The following ZNF148 variants were observed in gnomAD, a reference collection of about 807,000 sequenced individuals.
ZNF148 encodes the protein Beta-Enolase Repressor Factor-1.
ZNF148 carries 7 observed loss-of-function variants against 67.7 expected under a neutral mutation model. The observed-to-expected ratio is 0.10, with a 90% CI of 0.06 to 0.19. ZNF148 has a LOEUF of 0.19. Among genes scored for constraint, ZNF148 ranks in the 10% least tolerant of loss-of-function variants. The pLI, the probability that ZNF148 is intolerant of heterozygous loss-of-function variation, is 1.00. For missense variants in ZNF148, 583 were observed against 947.1 expected (o/e 0.62, Z 5.05); for synonymous variants, 333 against 330.7 (o/e 1.01, Z -0.08).
intron 4 of ZNF148, among the ~76,000 whole-genome samples, chr3:125,309,963 T>C (rs572409984): frequency 6.6e-6 from 1 of 152,254 alleles, no homozygotes; most frequent in Admixed American, 6.5e-5. Context: ...GCGTCTGCTC[T>C]AAGACCACAA....
Position 125,233,861 on chromosome 3 carries a change from C to G in ZNF148, c.865G>C (p.Ala289Pro), listed in dbSNP as rs751869668. 1.2e-5 allele frequency: 20 copies of G among 1,613,256 alleles called. 1 individual carries two copies. In the South Asian group the frequency reaches 2.1e-4, roughly 17 times the overall value. Residue 289 changes from alanine to proline, a missense_variant, in exon 9 of 9, where the codon GCC becomes CCC. Physicochemically the swap from Ala to Pro is conservative, Grantham distance 27. This residue lies in a region of ZNF148 where 78 missense variants were observed against 86.5 expected (regional missense o/e 0.90). Coordinates refer to ENST00000360647, the MANE Select transcript of ZNF148 (RefSeq NM_021964.3). The surrounding 1 kb of genome is among the most constrained non-coding windows in gnomAD (Gnocchi z 5.1). ...GATGTCAGAAGGCCACCTTTGATGGCACATCTATTTAGTTTTTTGTCATGA... is the reference window on the plus strand; with the variant it reads ...GATGTCAGAAGGCCACCTTTGATGGGACATCTATTTAGTTTTTTGTCATGA... Reference protein sequence around the residue: ...ENHDKKLNRCAIKGGLLTSEE... With the variant: ...ENHDKKLNRCPIKGGLLTSEE...
chr3:125,256,803 G>C (rs563446460), intron 7 of ZNF148, among the ~76,000 whole-genome samples: 1 of 152,272 alleles, frequency 6.6e-6, no homozygotes, highest in South Asian at 2.1e-4. Context: ...TCCCAGTAAA[G>C]ATTGTGTCCC....
chr3:125,269,144 G>T (rs1483134460), intron 7 of ZNF148, among the ~76,000 whole-genome samples: 3 of 146,770 alleles, frequency 2.0e-5, no homozygotes, highest in African/African-American at 7.6e-5. Context: ...AAGGCAGGTG[G>T]ATCGCTTGAG....
chr3:125,369,879 G>A (rs1942822281), intron 1 of ZNF148, among the ~76,000 whole-genome samples: 1 of 141,452 alleles, frequency 7.1e-6, no homozygotes, highest in Admixed American at 7.1e-5. Flanking sequence ...GGGAGGCTGA[G>A]GCAGGAGAAT....
intron 4 of ZNF148, among the ~76,000 whole-genome samples, chr3:125,299,674 G>A (rs1352780937): frequency 1.3e-5 from 2 of 152,110 alleles, no homozygotes; most frequent in African/African-American, 4.8e-5. Context: ...ACAATCTACT[G>A]GAAGAGATAA....
chr3:125,337,333 T>C (rs949379668), intron 1 of ZNF148, among the ~76,000 whole-genome samples: 2 of 152,152 alleles, frequency 1.3e-5, no homozygotes, highest in African/African-American at 4.8e-5. Context: ...ACTAAAGAGA[T>C]AGAACTTTTA....
intron 4 of ZNF148, among the ~76,000 whole-genome samples, chr3:125,294,445 A>T (rs1278372856): frequency 2.0e-5 from 3 of 152,230 alleles, no homozygotes; most frequent in African/African-American, 7.2e-5. Flanking sequence ...GCTGTGTGAA[A>T]AGTTCATGCA....
chr3:125,247,699 A>G (rs1175337035), intron 7 of ZNF148, among the ~76,000 whole-genome samples: 1 of 152,134 alleles, frequency 6.6e-6, no homozygotes, highest in Non-Finnish European at 1.5e-5. Flanking sequence ...TCGCCCTCCC[A>G]AAGTGCTGGG....
intron 7 of ZNF148, among the ~76,000 whole-genome samples, chr3:125,267,969 GCA>G (rs1480001449): frequency 6.6e-6 from 1 of 151,770 alleles, no homozygotes. Context: ...TACACTAGAT[GCA>G]CACACACATA....
At chr3:125,242,466 T>C (rs766743960) in intron 7 of ZNF148, among the ~76,000 whole-genome samples, 1 of 152,030 alleles carries the variant, frequency 6.6e-6, no homozygotes, top group Non-Finnish European at 1.5e-5. Flanking sequence ...CTACTAAAAA[T>C]ACAAAACTTA....
At chr3:125,303,263 T>C (rs1939689650) in intron 4 of ZNF148, among the ~76,000 whole-genome samples, 1 of 152,166 alleles carries the variant, frequency 6.6e-6, no homozygotes. Context: ...GAGAGATCTT[T>C]GTTATCCTGG....
At chr3:125,281,644 C>G (rs1032047578) in intron 5 of ZNF148, among the ~76,000 whole-genome samples, 2 of 152,110 alleles carry the variant, frequency 1.3e-5, no homozygotes, top group Non-Finnish European at 2.9e-5. Context: ...TTAAGGAGTT[C>G]TAGGTCATTG....
intron 1 of ZNF148, among the ~76,000 whole-genome samples, chr3:125,339,983 G>C (rs1040008483): frequency 6.6e-6 from 1 of 152,036 alleles, no homozygotes; most frequent in African/African-American, 2.4e-5. Flanking sequence ...AGATAAAATG[G>C]CCTAGATCTG....
chr3:125,233,961 A>G lies in ZNF148; in HGVS notation c.787-22T>C. 2 of 1,554,868 alleles carry G rather than the reference A, an allele frequency of 1.3e-6. No homozygotes were observed. The highest frequency in any genetic ancestry group is 1.7e-6 in the Non-Finnish European group (2 of 1,159,782). On this transcript the variant is annotated intron_variant, in intron 8 of 8. Transcript: ENST00000360647. The surrounding 1 kb of genome is among the most constrained non-coding windows in gnomAD (Gnocchi z 5.1). ...AATACTGTTGAATTCAGAGGATGGTAGTGGGTTGTTTGTGGTTTTGGTCAA... is the reference window on the plus strand; with the variant it reads ...AATACTGTTGAATTCAGAGGATGGTGGTGGGTTGTTTGTGGTTTTGGTCAA...
At chr3:125,349,347 C>T (rs763934659) in intron 1 of ZNF148, among the ~76,000 whole-genome samples, 1 of 152,114 alleles carries the variant, frequency 6.6e-6, no homozygotes, top group African/African-American at 2.4e-5. Context: ...GGCTAAAATC[C>T]ACAATATACA....
intron 3 of ZNF148, among the ~76,000 whole-genome samples, chr3:125,322,583 A>T (rs950770286): frequency 6.6e-6 from 1 of 152,136 alleles, no homozygotes; most frequent in African/African-American, 2.4e-5. Context: ...TCTTATTAGC[A>T]GACACAATGG....
intron 4 of ZNF148, among the ~76,000 whole-genome samples, chr3:125,309,974 C>T (rs767415327): frequency 2.6e-5 from 4 of 151,856 alleles, no homozygotes; most frequent in Admixed American, 6.6e-5. Flanking sequence ...AAGACCACAA[C>T]AGAATTAAAC....
At chr3:125,353,100 A>G (rs991752760) in intron 1 of ZNF148, among the ~76,000 whole-genome samples, 19 of 152,230 alleles carry the variant, frequency 1.2e-4, no homozygotes, top group Non-Finnish European at 2.8e-4. Flanking sequence ...AACGCTGTAC[A>G]CAAATGTCCA....
chr3:125,289,322 G>GA (rs1938879700), intron 4 of ZNF148, among the ~76,000 whole-genome samples: 1 of 152,132 alleles, frequency 6.6e-6, no homozygotes, highest in Non-Finnish European at 1.5e-5. Context: ...CCTAAGCCAG[G>GA]AATTTCATAC....
Sources: allele counts gnomAD v4.1 joint callset (sites outside exome capture counted in the v4.1 genomes callset), GRCh38; gene constraint gnomAD v4.1.1; regional missense constraint gnomAD v4.1.1; non-coding constraint Gnocchi (gnomAD v3.1); transcripts MANE v1.5; gene names NCBI Gene and HGNC (gene_info 2026-07-23, HGNC 2026-07-21).